NNMT: variants seen among roughly 807,000 people sequenced by gnomAD.
NNMT encodes the protein nicotinamide N-methyltransferase.
NNMT carries 10 observed loss-of-function variants against 11.7 expected under a neutral mutation model. The observed-to-expected ratio is 0.85, with a 90% CI of 0.53 to 1.45. The LOEUF (loss-of-function observed/expected upper bound fraction) is 1.45, where lower values mean the gene tolerates loss of function less well. NNMT is among the 40% of genes most tolerant of loss of function. NNMT has a pLI of 0.00. For synonymous variants in NNMT, 143 were observed against 133.8 expected, an observed-to-expected ratio of 1.07 and a Z score of -0.48; for missense variants, 381 against 319.4, an observed-to-expected ratio of 1.19 and a Z score of -1.47.
chr11:114,312,744 C>T lies in NNMT; in HGVS notation c.*267C>T. 1 of 449,540 alleles carries T rather than the reference C, an allele frequency of 2.2e-6. No homozygotes were observed. The allele number at this position is 449,540 out of a possible 1,614,324, so 27.8% of individuals were successfully genotyped here. ...GTGCTTACAAAAGAAGACCTCACTT[C>T]CCTAAACATCTAGTTATGGCGGCTC... is the stretch of plus-strand genomic sequence containing the variant. On this transcript the variant is annotated 3_prime_UTR_variant, in exon 3 of 3. Coordinates refer to ENST00000299964, the MANE Select transcript of NNMT (RefSeq NM_006169.3).
chr11:114,258,334 C>G (rs546555992), intron 1 of NNMT, among the ~76,000 whole-genome samples: 1 of 152,242 alleles, frequency 6.6e-6, no homozygotes, highest in African/African-American at 2.4e-5. Flanking sequence ...TCCTCCCAGT[C>G]GCTCTGAGGA....
Position 114,289,905 on chromosome 11 carries a change from A to G in NNMT, c.-129-6523A>G, listed in dbSNP as rs74648436. ...CTCATAGTTCTGGAGGCTGGGAAGT[A>G]CAAGATTGAGGCACCAGCAGATTCA... On this transcript the variant is annotated intron_variant, in intron 2 of 4. Coordinates refer to the NNMT transcript ENST00000535401. Among the ~76,000 whole-genome samples the G allele has an allele frequency of 4.5e-4, 68 of 152,296 alleles. No homozygotes were observed. In the East Asian group the frequency reaches 0.013, roughly 29 times the overall value.
chr11:114,273,042 G>A (rs184651452), intron 2 of NNMT, among the ~76,000 whole-genome samples: 3 of 152,306 alleles, frequency 2.0e-5, no homozygotes, highest in African/African-American at 4.8e-5. Flanking sequence ...GGATCTGCAC[G>A]TATGTGCCTC....
intron 2 of NNMT, among the ~76,000 whole-genome samples, chr11:114,281,559 G>A (rs1591830366): frequency 6.6e-6 from 1 of 152,208 alleles, no homozygotes; most frequent in East Asian, 1.9e-4. Flanking sequence ...TCAGGCAAAG[G>A]GTCAGACAGT....
rs765782226 is a variant in NNMT, at chr11:114,298,171, G to C, written c.362+13G>C. On this transcript the variant is annotated intron_variant, in intron 2 of 2. Transcript: ENST00000299964. ...TTGAAGGGAACAGGTAGAGAAACTG[G>C]TGTCTACTTCTTGGCTTTTGAAGGT... is the stretch of plus-strand genomic sequence containing the variant. 2 of 1,612,320 alleles carry C rather than the reference G, an allele frequency of 1.2e-6. No homozygotes were observed. The highest frequency in any genetic ancestry group is 2.2e-5 in the South Asian group (2 of 90,982).
chr11:114,297,056 G>A (rs1945387987), intron 1 of NNMT, among the ~76,000 whole-genome samples: 1 of 152,218 alleles, frequency 6.6e-6, no homozygotes, highest in East Asian at 1.9e-4. Context: ...TCAAGGGAAT[G>A]CTGTGAATAT....
intron 2 of NNMT, among the ~76,000 whole-genome samples, chr11:114,264,110 C>T (rs1945103152): frequency 6.6e-6 from 1 of 152,024 alleles, no homozygotes; most frequent in African/African-American, 2.4e-5. Context: ...CTTTCCAAGC[C>T]CTTTGCTCCT....
chr11:114,287,658 A>G (rs963267189), intron 2 of NNMT, among the ~76,000 whole-genome samples: 6 of 152,190 alleles, frequency 3.9e-5, no homozygotes, highest in Non-Finnish European at 5.9e-5. Context: ...TATAATAAGT[A>G]TTTATATCTG....
chr11:114,268,596 C>T (rs1391739820), intron 2 of NNMT, among the ~76,000 whole-genome samples: 10 of 152,202 alleles, frequency 6.6e-5, no homozygotes, highest in South Asian at 4.1e-4. Context: ...AGGTGAAACC[C>T]TGCCTCTACT....
chr11:114,277,158 G>A (rs1305163144), intron 2 of NNMT, among the ~76,000 whole-genome samples: 1 of 151,660 alleles, frequency 6.6e-6, no homozygotes, highest in Non-Finnish European at 1.5e-5. Flanking sequence ...GGGAGGTGGA[G>A]GTTGCAGTGA....
At chr11:114,298,919 C>T (rs1383187332) in intron 2 of NNMT, among the ~76,000 whole-genome samples, 1 of 152,246 alleles carries the variant, frequency 6.6e-6, no homozygotes, top group African/African-American at 2.4e-5. Context: ...CTTCCATCTT[C>T]TGCTGATTGT....
intron 2 of NNMT, among the ~76,000 whole-genome samples, chr11:114,283,060 T>G (rs1945273187): frequency 6.6e-6 from 1 of 152,194 alleles, no homozygotes; most frequent in South Asian, 2.1e-4. Flanking sequence ...GGGAACCTCA[T>G]GCACTGCTGA....
intron 2 of NNMT, among the ~76,000 whole-genome samples, chr11:114,281,469 A>T (rs1945262906): frequency 6.6e-6 from 1 of 152,168 alleles, no homozygotes. Flanking sequence ...AGGGAGGTCA[A>T]TGAAGTCTTC....
intron 2 of NNMT, among the ~76,000 whole-genome samples, chr11:114,268,333 C>A (rs1313981202): frequency 1.3e-5 from 2 of 152,260 alleles, no homozygotes; most frequent in South Asian, 4.1e-4. Flanking sequence ...GGCAGAACAT[C>A]TGTACAGTCC....
At chr11:114,294,309 C>G (rs369243361), upstream of NNMT, among the ~76,000 whole-genome samples, 1 of 151,974 alleles carries the variant, frequency 6.6e-6, no homozygotes, top group Non-Finnish European at 1.5e-5. Context: ...GAAACCCCGT[C>G]TCTACTAAAA....
At chr11:114,260,185 T>C (rs1314691505) in intron 1 of NNMT, among the ~76,000 whole-genome samples, 1 of 152,158 alleles carries the variant, frequency 6.6e-6, no homozygotes, top group Non-Finnish European at 1.5e-5. Flanking sequence ...ATTTTACAGA[T>C]GGGTAAACTG....
intron 2 of NNMT, among the ~76,000 whole-genome samples, chr11:114,263,480 G>T (rs1323505977): frequency 6.6e-6 from 1 of 152,140 alleles, no homozygotes; most frequent in Admixed American, 6.5e-5. Context: ...TGCGTCGAGA[G>T]ACAGCAGTCA....
intron 2 of NNMT, among the ~76,000 whole-genome samples, chr11:114,288,546 G>C (rs1030776839): frequency 6.6e-6 from 1 of 150,714 alleles, no homozygotes; most frequent in African/African-American, 2.4e-5. Context: ...AAATCACTTT[G>C]TATTCCTGGG....
chr11:114,310,410 A>G (rs1239731431), intron 2 of NNMT, among the ~76,000 whole-genome samples: 3 of 152,260 alleles, frequency 2.0e-5, no homozygotes, highest in Non-Finnish European at 2.9e-5. Context: ...ATGGAAAATT[A>G]TAGGAAGCAT....
Sources: gnomAD v4.1 joint callset for allele counts (sites outside exome capture counted in the v4.1 genomes callset) on GRCh38, gnomAD v4.1.1 for gene constraint, MANE v1.5 for transcripts, NCBI Gene and HGNC (gene_info 2026-07-23, HGNC 2026-07-21) for gene names.